The following AP1M1 variants were observed in gnomAD, a reference collection of about 807,000 sequenced individuals.
The protein encoded by AP1M1 is AP-1 complex subunit mu-1.
In AP1M1, 18 loss-of-function variants were observed where a neutral mutation model predicts 57.1. The observed-to-expected ratio is 0.32, with a 90% CI of 0.22 to 0.47. The LOEUF is 0.47. AP1M1 is among the 20% of genes least tolerant of loss of function. The pLI is 1.00. For missense variants in AP1M1, 362 were observed against 593.5 expected, an observed-to-expected ratio of 0.61 and a Z score of 4.05; for synonymous variants, 241 against 237.9, an observed-to-expected ratio of 1.01 and a Z score of -0.12.
rs1468868342 is a variant in AP1M1 at position 16,243,343 on chromosome 19, A to G, written c.*8908A>G. The G allele has an allele frequency of 1.3e-5, 2 of 151,458 alleles. No homozygotes were observed. The highest frequency in any genetic ancestry group is 4.8e-5 in the African/African-American group (2 of 41,280). 9.4% of individuals were successfully genotyped at this position (151,458 alleles called of 1,614,324 possible). On this transcript the variant is annotated 3_prime_UTR_variant, in exon 12 of 12. Transcript: ENST00000291439. ...GCAGTCAGTGGCACGATGTCAGCTC[A>G]CTGCAACCTTGGCCTCCTAGGCTGA...
At chr19:16,208,570 G>T in intron 4 of AP1M1, among the ~76,000 whole-genome samples, 1 of 152,168 alleles carries the variant, frequency 6.6e-6, no homozygotes, top group Non-Finnish European at 1.5e-5. Context: ...CAGCCTCCCC[G>T]TATACCGTCT....
In AP1M1 at chr19:16,234,752, G is replaced by T. The variant is rs1248327847; in HGVS notation, c.*317G>T. 2 of 454,768 alleles carry T rather than the reference G, an allele frequency of 4.4e-6. No individual in the cohort carries two copies. Among genetic ancestry groups the T allele is most frequent in the Admixed American group, 3.6e-5 (1 of 27,576 alleles). 28.2% of individuals were successfully genotyped at this position (454,768 alleles called of 1,614,324 possible). A position where few individuals can be genotyped will look rare whatever the true frequency, so the allele number is the denominator to read the frequency against. ...CTGTTGAGCTCCCAGGTACCAAAAAGCTTGGCCAACGCTTGCCAGCCAGCC... is the reference window on the plus strand; with the variant it reads ...CTGTTGAGCTCCCAGGTACCAAAAATCTTGGCCAACGCTTGCCAGCCAGCC... On this transcript the variant is annotated 3_prime_UTR_variant, in exon 12 of 12. Transcript: ENST00000291439.
chr19:16,224,522 T>G (rs1227692212), intron 5 of AP1M1, among the ~76,000 whole-genome samples: 1 of 152,216 alleles, frequency 6.6e-6, no homozygotes, highest in Non-Finnish European at 1.5e-5. Flanking sequence ...AGCCGGGCCC[T>G]GAGCAAGCAT....
rs2091652109 is a variant in AP1M1 at position 16,243,431 on chromosome 19, GCT to G, written c.*8997_*8998del. On this transcript the variant is annotated 3_prime_UTR_variant, in exon 12 of 12. Transcript: ENST00000291439. ...TTACAGGTGAGCACCACCAAGCTCAGCTATTTTTTTTTTTTTTTTGTATTTTT... is the reference window on the plus strand; with the variant it reads ...TTACAGGTGAGCACCACCAAGCTCAGATTTTTTTTTTTTTTTTGTATTTTT... 1 of 57,306 alleles carries G rather than the reference GCT, an allele frequency of 1.7e-5. No individual in the cohort carries two copies. The highest frequency in any genetic ancestry group is 4.6e-5 in the Non-Finnish European group (1 of 21,528). 3.5% of individuals were successfully genotyped at this position (57,306 alleles called of 1,614,324 possible).
chr19:16,198,290 G>A, intron 1 of AP1M1: 1 of 344,190 alleles, frequency 2.9e-6, no homozygotes, highest in South Asian at 6.6e-5. Context: ...GCGGTGGGCT[G>A]CAGCCACCGC....
rs1262886604 is a variant in AP1M1 at position 16,203,477 on chromosome 19, T to G, written c.61T>G (p.Tyr21Asp). ...LKGKVLICRN[Y>D]RGDVDMSEVE... is the part of the protein sequence containing the mutation. ...ACCCCAGGTGCTCATCTGCCGGAAC[T>G]ACCGTGGCGACGTGGACATGTCAGA... Residue 21 changes from tyrosine to aspartate, a missense_variant, in exon 2 of 12, where the codon TAC (tyrosine) becomes GAC (aspartate). Transcript: ENST00000291439. This position sits in a 1 kb window ranked among gnomAD's most constrained non-coding sequence, Gnocchi z 4.6. 6.2e-7 allele frequency: 1 copy of G among 1,614,082 alleles called. No individual in the cohort carries two copies. The highest frequency in any genetic ancestry group is 8.5e-7 in the Non-Finnish European group (1 of 1,180,032).
Position 16,228,256 on chromosome 19 carries a change from C to G in AP1M1, c.888+48C>G. On this transcript the variant is annotated intron_variant, in intron 8 of 11. Transcript: ENST00000291439. The surrounding 1 kb of genome is among the most constrained non-coding windows in gnomAD (Gnocchi z 5.0). ...CTGAGGGCCTTCTGGTGTCTCTGGC[C>G]CGTCCCAGGAGCCTAACCGAGGGCT... The G allele has an allele frequency of 1.3e-6, 2 of 1,597,062 alleles. No homozygotes were observed. The highest frequency in any genetic ancestry group is 1.7e-6 in the Non-Finnish European group (2 of 1,168,334).
At chr19:16,229,778 C>T (rs1208530541) in intron 9 of AP1M1, among the ~76,000 whole-genome samples, 2 of 152,232 alleles carry the variant, frequency 1.3e-5, no homozygotes, top group African/African-American at 4.8e-5. Context: ...TCCCGTCAGC[C>T]TTTCCGCGTG....
rs527991700 is a variant in AP1M1, at chr19:16,232,982, C to T, written c.1048-511C>T. Among the ~76,000 whole-genome samples the T allele has an allele frequency of 1.1e-4, 16 of 152,322 alleles. No homozygotes were observed. The South Asian group carries it at 3.3e-3, about 32-fold the overall frequency. ...GCTGAATCGTCACTCAGTGCATGCT[C>T]CTTGGTTTCTTCCTTTTGTCGCCTC... On this transcript the variant is annotated intron_variant, in intron 9 of 11. Transcript: ENST00000291439.
intron 2 of AP1M1, among the ~76,000 whole-genome samples, chr19:16,204,578 C>T (rs111700422): frequency 0.015 from 2,277 of 152,308 alleles, 60 homozygotes; most frequent in African/African-American, 0.052. Flanking sequence ...CTTGGAGACA[C>T]TTGGGGCCTT....
chr19:16,231,287 CAAAAAAAA>C (rs1231125818), intron 9 of AP1M1, among the ~76,000 whole-genome samples: 2 of 115,154 alleles, frequency 1.7e-5, no homozygotes, highest in African/African-American at 8.6e-5. Context: ...GACTCTGTCT[CAAAAAAAA>C]AAAAAAAAAA....
chr19:16,209,000 C>A (rs775183463), intron 4 of AP1M1, 30 bp from the exon 5 acceptor site: 3 of 1,601,732 alleles, frequency 1.9e-6, no homozygotes, highest in South Asian at 2.2e-5. Context: ...CGGGTACCAC[C>A]TCCTTCACTC....
intron 5 of AP1M1, among the ~76,000 whole-genome samples, chr19:16,213,357 T>C (rs1169128988): frequency 2.0e-5 from 3 of 152,354 alleles, no homozygotes; most frequent in Admixed American, 6.5e-5. Context: ...TTTGTCTTTT[T>C]TTGATCTTTG....
rs2091457528 is a variant in AP1M1 at position 16,203,526 on chromosome 19, T to A, written c.110T>A (p.Leu37Gln). ...MSEVEHFMPI[L>Q]MEKEEEGMLS... ...GAGGTGGAGCACTTCATGCCCATCC[T>A]GATGGAGAAGGAGGAGGAGGGGATG... The change falls in exon 2 of 12, where the codon CTG becomes CAG. Residue 37 changes from leucine to glutamine, a missense_variant. Leu to Gln is a moderately radical substitution (Grantham distance 113). This residue lies in a region of AP1M1 where 337 missense variants were observed against 511.1 expected (regional missense o/e 0.66). Coordinates refer to ENST00000291439, the MANE Select transcript of AP1M1 (RefSeq NM_032493.4). This position sits in a 1 kb window ranked among gnomAD's most constrained non-coding sequence, Gnocchi z 4.6. 6.2e-7 allele frequency: 1 copy of A among 1,614,030 alleles called. No homozygotes were observed. Among genetic ancestry groups the A allele is most frequent in the Non-Finnish European group, 8.5e-7 (1 of 1,180,002 alleles).
At chr19:16,229,328 G>A (rs1568355339) in intron 9 of AP1M1, among the ~76,000 whole-genome samples, 4 of 152,366 alleles carry the variant, frequency 2.6e-5, no homozygotes, top group Middle Eastern at 3.4e-3. Context: ...CAAGGGGAAC[G>A]GCTGCCTGTA....
At chr19:16,215,202 GGGGGGGGGGAGAGGGGGGA>G (rs2091513122) in intron 5 of AP1M1, among the ~76,000 whole-genome samples, 1 of 15,036 alleles carries the variant, frequency 6.7e-5, no homozygotes, top group African/African-American at 1.0e-4. Context: ...GGCGGGGGCG[GGGGGGGGGGAGAGGGGGGA>G]GGGGGGAGGG....
chr19:16,218,400 G>A (rs2091528071), intron 5 of AP1M1, among the ~76,000 whole-genome samples: 1 of 152,196 alleles, frequency 6.6e-6, no homozygotes, highest in African/African-American at 2.4e-5. Context: ...GGTCCTTCCT[G>A]CCGGGATTCC....
chr19:16,224,912 G>GT (rs2091564593), intron 5 of AP1M1, among the ~76,000 whole-genome samples: 1 of 152,172 alleles, frequency 6.6e-6, no homozygotes, highest in Non-Finnish European at 1.5e-5. Flanking sequence ...CACACACGCT[G>GT]TTTCTGGTGC....
At position 16,238,978 on chromosome 19, in the gene AP1M1, G is replaced by C. The variant is rs1786588311; in HGVS notation, c.*4543G>C. 6.5e-6 allele frequency: 1 copy of C among 152,932 alleles called. No individual in the cohort carries two copies. The highest frequency in any genetic ancestry group is 6.6e-5 in the Admixed American group (1 of 15,228). 9.5% of individuals were successfully genotyped at this position (152,932 alleles called of 1,614,324 possible). On this transcript the variant is annotated 3_prime_UTR_variant, in exon 12 of 12. Transcript: ENST00000291439. ...GACAGAGTTTTGCTCTTGTTGCCCA[G>C]GCTGGAGTGCAATGGTGTGATCTCG... is the stretch of plus-strand genomic sequence containing the variant.
Sources: allele counts gnomAD v4.1 joint callset (sites outside exome capture counted in the v4.1 genomes callset), GRCh38; gene constraint gnomAD v4.1.1; regional missense constraint gnomAD v4.1.1; non-coding constraint Gnocchi (gnomAD v3.1); transcripts MANE v1.5; gene names NCBI Gene and HGNC (gene_info 2026-07-23, HGNC 2026-07-21).